ANKFN1: variants seen among roughly 807,000 people sequenced by gnomAD.
ANKFN1 encodes the protein ankyrin repeat and fibronectin type-III domain-containing protein 1.
Under a neutral mutation model 108.7 loss-of-function variants are expected in ANKFN1, and 74 were observed. The ratio of observed to expected loss-of-function variants is 0.68; its 90% confidence interval spans 0.56 to 0.83. ANKFN1 has a LOEUF of 0.83. ANKFN1 is among the 40% of genes least tolerant of loss of function. The pLI, the probability that ANKFN1 is intolerant of heterozygous loss-of-function variation, is 0.00. For synonymous variants in ANKFN1, 547 were observed against 516.2 expected (o/e 1.06, Z -0.81); for missense variants, 1,505 against 1,382.3 (o/e 1.09, Z -1.41).
intron 3 of ANKFN1, among the ~76,000 whole-genome samples, chr17:56,258,905 C>T (rs1052531827): frequency 1.3e-5 from 2 of 151,668 alleles, no homozygotes; most frequent in Admixed American, 6.6e-5. Flanking sequence ...AGTGAGACTC[C>T]GTCTCGAAAA....
At chr17:56,063,580 CTG>C (rs1905013052) in intron 4 of ANKFN1, among the ~76,000 whole-genome samples, 1 of 151,682 alleles carries the variant, frequency 6.6e-6, no homozygotes, top group Non-Finnish European at 1.5e-5. Context: ...AGTACTTGTG[CTG>C]TTTTTCAGCT....
chr17:56,316,027 T>C (rs746018862), intron 3 of ANKFN1, among the ~76,000 whole-genome samples: 11 of 152,206 alleles, frequency 7.2e-5, no homozygotes, highest in Non-Finnish European at 1.6e-4. Context: ...GCTATATGCC[T>C]TAGGTCAGAC....
intron 8 of ANKFN1, among the ~76,000 whole-genome samples, chr17:56,439,475 T>A (rs2049031759): frequency 6.6e-6 from 1 of 152,162 alleles, no homozygotes; most frequent in Non-Finnish European, 1.5e-5. Flanking sequence ...GATGAAAGCA[T>A]ATGATATCAC....
At chr17:56,105,466 C>G (rs1299505374) in intron 4 of ANKFN1, among the ~76,000 whole-genome samples, 1 of 152,064 alleles carries the variant, frequency 6.6e-6, no homozygotes, top group African/African-American at 2.4e-5. Context: ...CTCTCACTCT[C>G]TCCCTTCCTT....
intron 4 of ANKFN1, among the ~76,000 whole-genome samples, chr17:56,102,554 G>A (rs893434161): frequency 6.6e-6 from 1 of 152,042 alleles, no homozygotes; most frequent in Non-Finnish European, 1.5e-5. Context: ...GTCATATGAA[G>A]CAGTGGCTCT....
chr17:56,337,216 C>T (rs955155678), intron 4 of ANKFN1, among the ~76,000 whole-genome samples: 24 of 152,226 alleles, frequency 1.6e-4, no homozygotes, highest in African/African-American at 5.8e-4. Context: ...GTTGAGAGTT[C>T]TGTAGATGTC....
intron 8 of ANKFN1, among the ~76,000 whole-genome samples, chr17:56,412,597 A>G (rs1292074902): frequency 1.3e-5 from 2 of 152,166 alleles, no homozygotes; most frequent in African/African-American, 4.8e-5. Context: ...TATTTCTCCC[A>G]TGTCAGATGC....
At chr17:56,186,159 A>G (rs1411495004) in intron 1 of ANKFN1, among the ~76,000 whole-genome samples, 2 of 152,228 alleles carry the variant, frequency 1.3e-5, no homozygotes, top group African/African-American at 2.4e-5. Context: ...TACTGTAGCC[A>G]GAAGAATAAA....
intron 1 of ANKFN1, among the ~76,000 whole-genome samples, chr17:56,203,449 C>A (rs1350450014): frequency 1.3e-5 from 2 of 152,300 alleles, no homozygotes; most frequent in East Asian, 3.9e-4. Flanking sequence ...AATATTCATT[C>A]CTGATCTCTA....
intron 6 of ANKFN1, among the ~76,000 whole-genome samples, chr17:56,357,437 C>A (rs2046404483): frequency 6.6e-6 from 1 of 152,204 alleles, no homozygotes; most frequent in African/African-American, 2.4e-5. Flanking sequence ...GATGCCAACA[C>A]CTGGAATCTT....
chr17:56,248,298 GAGA>G (rs2043161485), intron 3 of ANKFN1, among the ~76,000 whole-genome samples: 1 of 152,176 alleles, frequency 6.6e-6, no homozygotes, highest in African/African-American at 2.4e-5. Context: ...CACCTGCAGA[GAGA>G]AGAAGAGGTA....
intron 4 of ANKFN1, among the ~76,000 whole-genome samples, chr17:56,343,032 C>T (rs2046000083): frequency 6.6e-6 from 1 of 151,916 alleles, no homozygotes; most frequent in Non-Finnish European, 1.5e-5. Context: ...CTGAATTGAA[C>T]CCTTTACCAT....
At chr17:56,381,484 C>A (rs1036614112) in intron 8 of ANKFN1, among the ~76,000 whole-genome samples, 9 of 152,322 alleles carry the variant, frequency 5.9e-5, no homozygotes, top group African/African-American at 2.2e-4. Flanking sequence ...GATCAAACTA[C>A]TCCGAGCTAC....
chr17:56,332,002 C>G (rs1006920777), intron 4 of ANKFN1, among the ~76,000 whole-genome samples: 1 of 152,046 alleles, frequency 6.6e-6, no homozygotes, highest in Non-Finnish European at 1.5e-5. Flanking sequence ...CTATAGCAAG[C>G]AATAGAGAAG....
At position 56,515,063 on chromosome 17, in the gene ANKFN1, A is replaced by G. The variant is rs1359366521; in HGVS notation, c.*3794A>G. The stretch of plus-strand genomic sequence containing the variant: ...GTACTTACCTTCTCTTGGAGAACTC[A>G]CTTAACAGCTTAAGTGAGTTCTCCA... On this transcript the variant is annotated 3_prime_UTR_variant, in exon 21 of 21. Transcript: ENST00000682825. Among the ~76,000 whole-genome samples the G allele has an allele frequency of 6.6e-6, 1 of 151,780 alleles. No individual in the cohort carries two copies. The highest frequency in any genetic ancestry group is 1.5e-5 in the Non-Finnish European group (1 of 67,938).
At chr17:56,476,717 A>C (rs2050512838) in intron 15 of ANKFN1, among the ~76,000 whole-genome samples, 1 of 152,216 alleles carries the variant, frequency 6.6e-6, no homozygotes, top group African/African-American at 2.4e-5. Flanking sequence ...GAATATCAAC[A>C]TTTTTTAAAA....
chr17:56,131,209 G>C (rs959103706), intron 4 of ANKFN1, among the ~76,000 whole-genome samples: 5 of 152,208 alleles, frequency 3.3e-5, no homozygotes, highest in African/African-American at 1.2e-4. Context: ...TAGAACATAA[G>C]ATAGTGATTC....
chr17:56,368,276 C>CTTTTTTTTTTTGTTTTTTT (rs2046714267), intron 6 of ANKFN1: 1 of 65,416 alleles, frequency 1.5e-5, no homozygotes, highest in Admixed American at 3.7e-4. Flanking sequence ...TGAAAATGAA[C>CTTTTTTTTTTTGTTTTTTT]TTTTTTTTTT....
At chr17:56,195,389 C>T (rs893502683) in intron 1 of ANKFN1, 4 of 152,190 alleles carry the variant, frequency 2.6e-5, no homozygotes, top group African/African-American at 7.2e-5. Flanking sequence ...GCAGGCAAGT[C>T]CTTGGTAAAT....
Sources: allele counts gnomAD v4.1 joint callset (sites outside exome capture counted in the v4.1 genomes callset), GRCh38; gene constraint gnomAD v4.1.1; transcripts MANE v1.5; gene names NCBI Gene and HGNC (gene_info 2026-07-23, HGNC 2026-07-21).